The following TRIO variants were observed in gnomAD, a reference collection of about 807,000 sequenced individuals.
The protein encoded by TRIO is trio Rho guanine nucleotide exchange factor, also known as triple functional domain protein.
In TRIO, 58 loss-of-function variants were observed where a neutral mutation model predicts 351.9. The observed-to-expected ratio is 0.16, with a 90% CI of 0.13 to 0.21. TRIO has a LOEUF of 0.21. Among genes scored for constraint, TRIO ranks in the 10% least tolerant of loss-of-function variants. The pLI is 1.00. For missense variants in TRIO, 3,201 were observed against 4,027.8 expected (o/e 0.79, Z 5.56); for synonymous variants, 1,758 against 1,595.7 (o/e 1.10, Z -2.42).
At chr5:14,346,537 A>G (rs1365971517) in intron 11 of TRIO, among the ~76,000 whole-genome samples, 1 of 152,248 alleles carries the variant, frequency 6.6e-6, no homozygotes, top group Non-Finnish European at 1.5e-5. Flanking sequence ...TGTGCTTTTT[A>G]AAGAAGGTGG....
At chr5:14,445,552 T>TG (rs1318041502) in intron 34 of TRIO, among the ~76,000 whole-genome samples, 15 of 152,238 alleles carry the variant, frequency 9.9e-5, no homozygotes, top group African/African-American at 3.4e-4. Context: ...GTTTCTCAGA[T>TG]GCGCAGTTGA....
intron 7 of TRIO, among the ~76,000 whole-genome samples, chr5:14,298,701 A>C (rs114892724): frequency 3.1e-4 from 47 of 152,326 alleles, no homozygotes; most frequent in African/African-American, 1.1e-3. Flanking sequence ...GCAAGAGAGG[A>C]AGCTGAGTGA....
chr5:14,220,265 T>C (rs1042554703), intron 1 of TRIO, among the ~76,000 whole-genome samples: 4 of 152,164 alleles, frequency 2.6e-5, no homozygotes, highest in African/African-American at 9.7e-5. Context: ...TTTGCAGCAG[T>C]ATGGACCACA....
At chr5:14,299,944 G>A (rs1176358111) in intron 7 of TRIO, among the ~76,000 whole-genome samples, 1 of 152,222 alleles carries the variant, frequency 6.6e-6, no homozygotes, top group Non-Finnish European at 1.5e-5. Flanking sequence ...ATTTGCTGTG[G>A]CTTTATAAAC....
At chr5:14,227,763 G>A (rs1030095706) in intron 1 of TRIO, among the ~76,000 whole-genome samples, 1 of 152,134 alleles carries the variant, frequency 6.6e-6, no homozygotes, top group Non-Finnish European at 1.5e-5. Context: ...TAACTCTTAG[G>A]TTGTTTACTA....
intron 34 of TRIO, among the ~76,000 whole-genome samples, chr5:14,448,297 C>A (rs1170264544): frequency 6.6e-6 from 1 of 152,232 alleles, no homozygotes; most frequent in African/African-American, 2.4e-5. Flanking sequence ...TTTAAACAGA[C>A]CAGAGCCCAG....
At chr5:14,397,619 A>G (rs12110161) in intron 29 of TRIO, among the ~76,000 whole-genome samples, 15,752 of 152,240 alleles carry the variant, frequency 0.1, 1,311 homozygotes, top group African/African-American at 0.24. Flanking sequence ...AATATGTTTC[A>G]AAATTAGAGC....
intron 1 of TRIO, among the ~76,000 whole-genome samples, chr5:14,195,120 T>A (rs920618254): frequency 3.3e-5 from 5 of 152,234 alleles, no homozygotes; most frequent in Admixed American, 3.3e-4. Context: ...TTTATTCAGA[T>A]CTTGCCAGGT....
At chr5:14,387,896 G>T in intron 23 of TRIO, 49 bp downstream of exon 23, 1 of 1,580,226 alleles carries the variant, frequency 6.3e-7, no homozygotes, top group Non-Finnish European at 8.7e-7. Context: ...AAAGTGAAGA[G>T]AATGTCATTT....
chr5:14,392,062 C>G (rs574638039), intron 27 of TRIO, among the ~76,000 whole-genome samples: 13 of 152,048 alleles, frequency 8.5e-5, no homozygotes, highest in Non-Finnish European at 1.8e-4. Context: ...ACAGTGAGGG[C>G]ACATAGCACA....
At chr5:14,325,583 G>A (rs147290179) in intron 9 of TRIO, among the ~76,000 whole-genome samples, 105 of 152,276 alleles carry the variant, frequency 6.9e-4, no homozygotes, top group African/African-American at 2.5e-3. Context: ...AACACCTCCC[G>A]GTAGGCCCCA....
At chr5:14,336,379 T>G (rs113514498) in intron 10 of TRIO, among the ~76,000 whole-genome samples, 157 bp from the exon 11 acceptor site, 49 of 152,310 alleles carry the variant, frequency 3.2e-4, no homozygotes, top group African/African-American at 1.2e-3. Flanking sequence ...TGCATAGAAT[T>G]CCCAAAATCA....
chr5:14,143,769 C>T lies in TRIO; in HGVS notation c.44C>T (p.Ser15Phe), dbSNP rs1006366530. 92 of 1,005,088 alleles carry T rather than the reference C, an allele frequency of 9.2e-5. No individual in the cohort carries two copies. In the African/African-American group the frequency reaches 1.4e-3, roughly 15 times the overall value. 62.3% of individuals were successfully genotyped at this position (1,005,088 alleles called of 1,614,324 possible). The change falls in exon 1 of 57, where the codon TCC becomes TTC. Residue 15 changes from serine (S) to phenylalanine (F), a missense_variant. This residue lies in a region of TRIO where 109 missense variants were observed against 134.6 expected (regional missense o/e 0.81). Coordinates refer to ENST00000344204, the MANE Select transcript of TRIO (RefSeq NM_007118.4). ...SGGAAAPAAS[S>F]GPAAAASAAG... ...GGAGCCGCCGCCCCCGCCGCGTCCT[C>T]CGGCCCCGCCGCGGCGGCCAGCGCG... is the stretch of plus-strand genomic sequence containing the variant.
intron 34 of TRIO, among the ~76,000 whole-genome samples, chr5:14,444,412 C>A (rs998792375): frequency 6.6e-6 from 1 of 152,166 alleles, no homozygotes; most frequent in African/African-American, 2.4e-5. Flanking sequence ...TATCTCAAAT[C>A]GTTTTTTGCC....
rs772777313 is a variant in TRIO at position 14,390,930 on chromosome 5, T to C, written c.4158T>C (p.Tyr1386=). 5 of 1,610,230 alleles carry C rather than the reference T, an allele frequency of 3.1e-6. No individual in the cohort carries two copies. Among genetic ancestry groups the C allele is most frequent in the Admixed American group, 1.7e-5 (1 of 59,280 alleles). The change falls in exon 27 of 57, where the codon TAT becomes TAC. Residue 1386 remains tyrosine, a synonymous_variant. Coordinates refer to ENST00000344204, the MANE Select transcript of TRIO (RefSeq NM_007118.4). The part of the protein sequence containing the change: ...WADKFQMYVT[Y]CKNKPDSTQL... ...ACAAGTTTCAGATGTATGTCACATA[T>C]TGCAAAAATAAGCCTGATTCTACTC...
chr5:14,509,995 A>T lies in TRIO; in HGVS notation c.*1573A>T, dbSNP rs1757982138. On this transcript the variant is annotated 3_prime_UTR_variant, in exon 57 of 57. Coordinates refer to ENST00000344204, the MANE Select transcript of TRIO (RefSeq NM_007118.4). ...TTGTAAAATTGTACAGAAACTTTTT[A>T]AAAGAAATTGGATTCGAAACTGGAT... 1 of 152,276 alleles carries T rather than the reference A, an allele frequency of 6.6e-6. No homozygotes were observed. Among genetic ancestry groups the T allele is most frequent in the Non-Finnish European group, 1.5e-5 (1 of 68,064 alleles). The allele number at this position is 152,276 out of a possible 1,614,324, so 9.4% of individuals were successfully genotyped here.
intron 37 of TRIO, among the ~76,000 whole-genome samples, chr5:14,469,940 G>A (rs1173175730): frequency 2.0e-5 from 3 of 152,158 alleles, no homozygotes. Flanking sequence ...CAATCTAACA[G>A]GCTTCAGCTG....
At chr5:14,154,820 G>A (rs1182183134) in intron 1 of TRIO, among the ~76,000 whole-genome samples, 1 of 152,158 alleles carries the variant, frequency 6.6e-6, no homozygotes, top group Non-Finnish European at 1.5e-5. Context: ...GGTAGATTGT[G>A]CTCTAAACAT....
intron 33 of TRIO, among the ~76,000 whole-genome samples, chr5:14,418,244 A>T (rs1049028935): frequency 6.6e-6 from 1 of 152,120 alleles, no homozygotes. Context: ...GCTTCTGGCC[A>T]CTGGGGGGGA....
Sources: gnomAD v4.1 joint callset for allele counts (sites outside exome capture counted in the v4.1 genomes callset) on GRCh38, gnomAD v4.1.1 for gene constraint, gnomAD v4.1.1 regional missense constraint, MANE v1.5 for transcripts, NCBI Gene and HGNC (gene_info 2026-07-23, HGNC 2026-07-21) for gene names.